EQTN: variants seen among roughly 807,000 people sequenced by gnomAD.
The protein encoded by EQTN is Acrosome formation associated factor.
In EQTN, 29 loss-of-function variants were observed where a neutral mutation model predicts 26.9. That is an observed-to-expected ratio of 1.08 (90% CI 0.80 to 1.47). The LOEUF (loss-of-function observed/expected upper bound fraction) is 1.47. EQTN is among the 40% of genes most tolerant of loss of function. The pLI is 0.00. For synonymous variants in EQTN, 129 were observed against 120.0 expected (o/e 1.07, Z -0.49); for missense variants, 391 against 346.1 (o/e 1.13, Z -1.03).
intron 7 of EQTN, among the ~76,000 whole-genome samples, chr9:27,285,684 T>C (rs1004944412): frequency 5.9e-5 from 9 of 152,190 alleles, no homozygotes; most frequent in African/African-American, 1.9e-4. Context: ...TTAATGATCA[T>C]TATGAACATT....
chr9:27,292,134 A>G (rs994991751), intron 4 of EQTN: 1 of 211,124 alleles, frequency 4.7e-6, no homozygotes, highest in Admixed American at 5.8e-5. Flanking sequence ...GTAAGTACGT[A>G]TTTAATATAG....
At chr9:27,296,231 G>C (rs1406053565) in intron 2 of EQTN, among the ~76,000 whole-genome samples, 5 of 152,052 alleles carry the variant, frequency 3.3e-5, no homozygotes, top group African/African-American at 1.2e-4. Flanking sequence ...TGAACCCTGG[G>C]AGGTCAAGGC....
In EQTN at chr9:27,294,316, C is replaced by T. The variant is rs367715092; in HGVS notation, c.289G>A (p.Asp97Asn). 6 of 1,604,794 alleles carry T rather than the reference C, an allele frequency of 3.7e-6. No homozygotes were observed. Among genetic ancestry groups the T allele is most frequent in the Non-Finnish European group, 4.3e-6 (5 of 1,173,942 alleles). ...TGCAATGGTGCCTTTCACTTCTTAC[C>T]GTTTTTTAGAGCAAAATTCAGGTCA... is the stretch of plus-strand genomic sequence containing the variant. Reference protein sequence around the residue: ...TTDLNFALKNDKTVNATTYEK... With the variant: ...TTDLNFALKNNKTVNATTYEK... The change falls in exon 3 of 8, where the codon GAT (aspartate) becomes AAT (asparagine). Residue 97 changes from aspartate to asparagine, a missense_variant and splice_region_variant. Coordinates refer to ENST00000380032, the MANE Select transcript of EQTN (RefSeq NM_020641.3).
At chr9:27,294,481 T>C (rs1820297731) in intron 2 of EQTN, 79 bp from the exon 3 acceptor site, 1 of 800,798 alleles carries the variant, frequency 1.2e-6, no homozygotes, top group Admixed American at 2.9e-5. Context: ...CTGAGTTTTT[T>C]TCTTAAAACA....
intron 2 of EQTN, among the ~76,000 whole-genome samples, chr9:27,295,142 TG>T (rs1487793065): frequency 2.0e-5 from 3 of 152,216 alleles, no homozygotes; most frequent in African/African-American, 7.2e-5. Context: ...AGAATGTACA[TG>T]GGAAAAACTG....
intron 2 of EQTN, among the ~76,000 whole-genome samples, chr9:27,295,846 A>AC (rs1563833658): frequency 1.3e-5 from 2 of 151,288 alleles, no homozygotes; most frequent in Non-Finnish European, 2.9e-5. Flanking sequence ...AAAAAAAAAA[A>AC]AAAAAAAACA....
At chr9:27,291,659 G>C (rs1354613066) in intron 4 of EQTN, among the ~76,000 whole-genome samples, 9 of 152,158 alleles carry the variant, frequency 5.9e-5, no homozygotes, top group Non-Finnish European at 1.3e-4. Flanking sequence ...AGTTACTAAA[G>C]ACGTTTAAGA....
intron 6 of EQTN, 125 bp from the exon 7 acceptor site, chr9:27,286,487 C>T (rs1272282624): frequency 1.1e-6 from 1 of 893,678 alleles, no homozygotes; most frequent in Non-Finnish European, 1.7e-6. Context: ...TGGCCGGTCT[C>T]CCATCCCGCA....
chr9:27,293,428 T>G (rs937252892), intron 3 of EQTN, among the ~76,000 whole-genome samples: 1 of 152,210 alleles, frequency 6.6e-6, no homozygotes, highest in Non-Finnish European at 1.5e-5. Flanking sequence ...TCCGCAGATC[T>G]CCATCTTCCT....
chr9:27,289,208 C>A (rs1820179013), intron 6 of EQTN, among the ~76,000 whole-genome samples: 2 of 152,120 alleles, frequency 1.3e-5, no homozygotes, highest in African/African-American at 4.8e-5. Context: ...ATTCACTCAC[C>A]TCCTCCATTT....
chr9:27,292,599 G>A (rs1460961495), intron 3 of EQTN, 112 bp from the exon 4 acceptor site: 10 of 573,894 alleles, frequency 1.7e-5, no homozygotes, highest in Non-Finnish European at 3.0e-5. Context: ...GAAAAGGAGA[G>A]AGAAGAAACG....
At chr9:27,285,587 G>C (rs947696426) in intron 7 of EQTN, among the ~76,000 whole-genome samples, 1 of 152,208 alleles carries the variant, frequency 6.6e-6, no homozygotes, top group African/African-American at 2.4e-5. Context: ...GAAATTGAAT[G>C]ATGGGGAATA....
At chr9:27,287,188 A>C (rs1401320734) in intron 6 of EQTN, among the ~76,000 whole-genome samples, 1 of 152,058 alleles carries the variant, frequency 6.6e-6, no homozygotes. Context: ...GGTTTTCACT[A>C]TTTTCTAGGT....
rs180712930 is a variant in EQTN, at chr9:27,295,136, T to C, written c.203-734A>G. On this transcript the variant is annotated intron_variant, in intron 2 of 7. Coordinates refer to ENST00000380032, the MANE Select transcript of EQTN (RefSeq NM_020641.3). Reference sequence around the variant, plus strand: ...CACCCCAGTGTGTATATGAGAAGAATGTACATGGGAAAAACTGCACATAGA... The same window carrying C: ...CACCCCAGTGTGTATATGAGAAGAACGTACATGGGAAAAACTGCACATAGA... Among the ~76,000 whole-genome samples, 810 of 152,342 alleles carry C rather than the reference T, an allele frequency of 5.3e-3. 6 individuals are homozygous for C. The highest frequency in any genetic ancestry group is 0.018 in the African/African-American group (759 of 41,568).
Position 27,284,724 on chromosome 9 carries a change from C to T in EQTN, c.884G>A (p.Ter295=), listed in dbSNP as rs1038457667. Residue 295 remains the stop codon, a stop_retained_variant, in exon 8 of 8, where the codon TGA becomes TAA. Coordinates refer to ENST00000380032, the MANE Select transcript of EQTN (RefSeq NM_020641.3). ...TCTTCACCGGGTTCCTTGATTTCTT[C>T]ACCGGGTAACCGACTCATCGTTTTC... The part of the protein sequence containing the change: ...MHENDESVTR[*] 3 of 1,608,176 alleles carry T rather than the reference C, an allele frequency of 1.9e-6. No individual in the cohort carries two copies. Among genetic ancestry groups the T allele is most frequent in the Non-Finnish European group, 2.5e-6 (3 of 1,177,204 alleles).
chr9:27,288,411 T>C (rs1820162649), intron 6 of EQTN, among the ~76,000 whole-genome samples: 2 of 152,024 alleles, frequency 1.3e-5, no homozygotes, highest in Non-Finnish European at 2.9e-5. Flanking sequence ...AGATAACCAC[T>C]CTCATCTTCC....
intron 6 of EQTN, among the ~76,000 whole-genome samples, chr9:27,287,955 C>T (rs1820155352): frequency 1.3e-5 from 2 of 152,180 alleles, no homozygotes; most frequent in Admixed American, 1.3e-4. Context: ...AGGTACCCAA[C>T]ACCACGCCTG....
intron 7 of EQTN, among the ~76,000 whole-genome samples, chr9:27,285,316 G>C (rs1373201648): frequency 1.3e-4 from 20 of 151,658 alleles, no homozygotes; most frequent in Admixed American, 1.3e-3. Context: ...GCTAATTTTT[G>C]TATTTTTAGT....
chr9:27,294,550 A>G, intron 2 of EQTN, 148 bp from the exon 3 acceptor site: 1 of 431,476 alleles, frequency 2.3e-6, no homozygotes. Flanking sequence ...TCTACAAAAT[A>G]AGAAAGTGGG....
Sources: gnomAD v4.1 joint callset for allele counts (sites outside exome capture counted in the v4.1 genomes callset) on GRCh38, gnomAD v4.1.1 for gene constraint, MANE v1.5 for transcripts, NCBI Gene and HGNC (gene_info 2026-07-23, HGNC 2026-07-21) for gene names.